GABRG3: variants seen among roughly 807,000 people sequenced by gnomAD.
GABRG3 encodes the protein gamma-aminobutyric acid type A receptor subunit gamma3.
Under a neutral mutation model 48.8 loss-of-function variants are expected in GABRG3, and 25 were observed. The observed-to-expected ratio is 0.51, with a 90% CI of 0.37 to 0.72. The LOEUF is 0.72. GABRG3 is among the 30% of genes least tolerant of loss of function. The probability of loss-of-function intolerance (pLI) is 0.00; values close to 1 mark genes in which losing one functional copy is unlikely to be tolerated. For synonymous variants in GABRG3, 227 were observed against 217.6 expected (o/e 1.04, Z -0.38); for missense variants, 394 against 577.9 (o/e 0.68, Z 3.26).
chr15:27,409,333 C>T (rs979164411), intron 5 of GABRG3, among the ~76,000 whole-genome samples: 2 of 151,802 alleles, frequency 1.3e-5, no homozygotes. Flanking sequence ...TTTCAAGCAC[C>T]ATTTGTTGAG....
At chr15:27,521,876 A>G (rs940437377) in intron 7 of GABRG3, among the ~76,000 whole-genome samples, 1 of 152,042 alleles carries the variant, frequency 6.6e-6, no homozygotes, top group Non-Finnish European at 1.5e-5. Flanking sequence ...CAATATGAAT[A>G]TGCATAACAT....
intron 3 of GABRG3, among the ~76,000 whole-genome samples, chr15:27,229,280 A>C (rs1358042475): frequency 1.3e-5 from 2 of 152,186 alleles, no homozygotes; most frequent in Non-Finnish European, 2.9e-5. Flanking sequence ...AATCTTCTGC[A>C]TATGGCTAGC....
chr15:27,003,473 C>T (rs1441438216), intron 2 of GABRG3, among the ~76,000 whole-genome samples: 2 of 151,794 alleles, frequency 1.3e-5, no homozygotes, highest in Admixed American at 6.6e-5. Flanking sequence ...GCACATCTTG[C>T]ACCGCCCTTA....
At chr15:27,320,322 T>G (rs1244897076) in intron 3 of GABRG3, among the ~76,000 whole-genome samples, 2 of 152,116 alleles carry the variant, frequency 1.3e-5, no homozygotes, top group African/African-American at 4.8e-5. Context: ...CAAACAAGGT[T>G]AGTGGAATAT....
At chr15:27,222,715 A>G (rs951143975) in intron 3 of GABRG3, among the ~76,000 whole-genome samples, 2 of 152,156 alleles carry the variant, frequency 1.3e-5, no homozygotes, top group African/African-American at 4.8e-5. Context: ...TACATTAATT[A>G]GATGCTCTAC....
chr15:27,025,472 A>T (rs572625400), intron 2 of GABRG3, among the ~76,000 whole-genome samples: 1 of 152,356 alleles, frequency 6.6e-6, no homozygotes, highest in South Asian at 2.1e-4. Context: ...AAACTTAAGC[A>T]CCATATACAT....
chr15:27,372,947 T>C (rs982112092), intron 5 of GABRG3, among the ~76,000 whole-genome samples: 3 of 152,252 alleles, frequency 2.0e-5, no homozygotes, highest in African/African-American at 7.2e-5. Context: ...TGGCAATGAC[T>C]TCAGCTGTGG....
chr15:27,384,399 A>G (rs1198642137), intron 5 of GABRG3, among the ~76,000 whole-genome samples: 3 of 152,302 alleles, frequency 2.0e-5, no homozygotes, highest in East Asian at 3.9e-4. Flanking sequence ...TCCTATCACA[A>G]ACCCACCTGC....
At chr15:27,224,974 T>A (rs977767211) in intron 3 of GABRG3, among the ~76,000 whole-genome samples, 1 of 152,006 alleles carries the variant, frequency 6.6e-6, no homozygotes, top group African/African-American at 2.4e-5. Context: ...ATGCCTCTGG[T>A]GCCACCCACC....
chr15:27,281,179 A>C (rs1891420717), intron 3 of GABRG3, among the ~76,000 whole-genome samples: 1 of 151,902 alleles, frequency 6.6e-6, no homozygotes, highest in African/African-American at 2.4e-5. Context: ...TTTTACTTTC[A>C]CCCTACCTAT....
chr15:27,029,644 C>T (rs564465268), intron 3 of GABRG3, among the ~76,000 whole-genome samples: 2 of 152,132 alleles, frequency 1.3e-5, no homozygotes, highest in South Asian at 2.1e-4. Flanking sequence ...ATTTGCCATC[C>T]GACTAGTGTG....
At position 27,533,211 on chromosome 15, in the gene GABRG3, T is replaced by G. The variant is rs1891472054; in HGVS notation, c.*330T>G. On this transcript the variant is annotated 3_prime_UTR_variant, in exon 10 of 10. Coordinates refer to ENST00000615808, the MANE Select transcript of GABRG3 (RefSeq NM_033223.5). ...CCCTTGCAAAGAAATCTGTAAAATG[T>G]GCACGTGAATGTCTGAGATGCTCTC... The G allele has an allele frequency of 3.6e-6, 1 of 275,718 alleles. No homozygotes were observed. The highest frequency in any genetic ancestry group is 2.2e-5 in the African/African-American group (1 of 45,012). 17.1% of individuals were successfully genotyped at this position (275,718 alleles called of 1,614,324 possible).
intron 3 of GABRG3, among the ~76,000 whole-genome samples, chr15:27,167,884 T>C (rs958026143): frequency 1.2e-4 from 18 of 152,150 alleles, no homozygotes; most frequent in African/African-American, 4.3e-4. Context: ...CGATCACTGG[T>C]ACTGTTACCC....
intron 6 of GABRG3, among the ~76,000 whole-genome samples, chr15:27,486,844 TTGTC>T (rs1890232900): frequency 1.3e-5 from 2 of 152,200 alleles, no homozygotes; most frequent in Admixed American, 6.5e-5. Flanking sequence ...GATTTACGCA[TTGTC>T]TTTCTTTAGT....
At chr15:27,088,103 G>GGT (rs1205983863) in intron 3 of GABRG3, among the ~76,000 whole-genome samples, 1 of 144,252 alleles carries the variant, frequency 6.9e-6, no homozygotes, top group African/African-American at 2.6e-5. Flanking sequence ...GATGTGCCGT[G>GGT]GTTGTGTGTG....
At chr15:27,303,325 A>G (rs1008135232) in intron 3 of GABRG3, among the ~76,000 whole-genome samples, 2 of 151,864 alleles carry the variant, frequency 1.3e-5, no homozygotes, top group Non-Finnish European at 2.9e-5. Context: ...AAACACCTCT[A>G]TGGGAATAAC....
At chr15:26,988,169 T>C (rs1014563785) in intron 2 of GABRG3, among the ~76,000 whole-genome samples, 1 of 152,152 alleles carries the variant, frequency 6.6e-6, no homozygotes, top group Non-Finnish European at 1.5e-5. Context: ...TTAGGTGAAG[T>C]TGGTTTATAC....
At chr15:26,983,431 C>T (rs1268899334) in intron 2 of GABRG3, among the ~76,000 whole-genome samples, 1 of 152,060 alleles carries the variant, frequency 6.6e-6, no homozygotes, top group Non-Finnish European at 1.5e-5. Context: ...TAGGGGCACT[C>T]CCACTTTGGT....
chr15:27,112,587 C>T (rs1331966282), intron 3 of GABRG3, among the ~76,000 whole-genome samples: 1 of 151,656 alleles, frequency 6.6e-6, no homozygotes, highest in Non-Finnish European at 1.5e-5. Flanking sequence ...ACTACTGGTG[C>T]CCCCCACCAC....
Sources: gnomAD v4.1 joint callset for allele counts (sites outside exome capture counted in the v4.1 genomes callset) on GRCh38, gnomAD v4.1.1 for gene constraint, MANE v1.5 for transcripts, NCBI Gene and HGNC (gene_info 2026-07-23, HGNC 2026-07-21) for gene names.